The following EDIL3 variants were observed in gnomAD, a reference collection of about 807,000 sequenced individuals.
EDIL3 encodes EGF like and discoidin domains 3.
A neutral mutation model predicts 67.4 loss-of-function variants in EDIL3; 37 were observed. That is an observed-to-expected ratio of 0.55 (90% CI 0.42 to 0.72). The LOEUF is 0.72. Ranked by LOEUF, EDIL3 falls within the 30% of genes least tolerant of loss-of-function variation. The probability of loss-of-function intolerance (pLI) is 0.00; values close to 1 mark genes in which losing one functional copy is unlikely to be tolerated. For missense variants in EDIL3, 527 were observed against 586.3 expected (o/e 0.90, Z 1.04); for synonymous variants, 195 against 196.3 (o/e 0.99, Z 0.05).
intron 1 of EDIL3, among the ~76,000 whole-genome samples, chr5:84,361,617 C>A (rs967016906): frequency 4.0e-5 from 6 of 151,090 alleles, no homozygotes; most frequent in African/African-American, 1.5e-4. Context: ...TCTTACTGTA[C>A]TTATTTTAGT....
intron 1 of EDIL3, among the ~76,000 whole-genome samples, chr5:84,276,312 T>C (rs888192546): frequency 8.5e-5 from 13 of 152,174 alleles, no homozygotes; most frequent in Admixed American, 1.3e-4. Flanking sequence ...CCTAAATTTA[T>C]AGTCAGATGA....
chr5:84,219,100 G>A (rs1744289257), intron 3 of EDIL3, among the ~76,000 whole-genome samples: 3 of 152,120 alleles, frequency 2.0e-5, no homozygotes, highest in South Asian at 2.1e-4. Flanking sequence ...TCCCAGTGTT[G>A]GTGGCCACAG....
At chr5:84,066,146 C>T (rs1048778036) in intron 7 of EDIL3, among the ~76,000 whole-genome samples, 1 of 149,034 alleles carries the variant, frequency 6.7e-6, no homozygotes, top group Non-Finnish European at 1.5e-5. Context: ...GCGTTAATCA[C>T]GAAAGCAATA....
At chr5:84,297,176 CG>C (rs1746067760) in intron 1 of EDIL3, among the ~76,000 whole-genome samples, 2 of 66,250 alleles carry the variant, frequency 3.0e-5, no homozygotes, top group South Asian at 5.3e-4. Flanking sequence ...AGCAAGACTC[CG>C]AAAAAAAAAA....
intron 9 of EDIL3, among the ~76,000 whole-genome samples, chr5:83,999,983 C>T (rs2112168184): frequency 6.7e-6 from 1 of 148,668 alleles, no homozygotes; most frequent in Middle Eastern, 3.5e-3. Context: ...AAGAGAGTAG[C>T]ATGACATATT....
chr5:84,042,948 T>C (rs1746159007), intron 9 of EDIL3, among the ~76,000 whole-genome samples: 1 of 152,164 alleles, frequency 6.6e-6, no homozygotes, highest in Non-Finnish European at 1.5e-5. Context: ...AGAAATTTAC[T>C]TATTAACATA....
intron 1 of EDIL3, among the ~76,000 whole-genome samples, chr5:84,348,310 A>G (rs1485546265): frequency 6.6e-6 from 1 of 152,070 alleles, no homozygotes; most frequent in Non-Finnish European, 1.5e-5. Context: ...TTCCAGGAAA[A>G]GCCTTTAAGT....
At chr5:84,208,035 A>G (rs1180848215) in intron 3 of EDIL3, among the ~76,000 whole-genome samples, 1 of 150,466 alleles carries the variant, frequency 6.6e-6, no homozygotes, top group African/African-American at 2.4e-5. Flanking sequence ...ACAAAAGCCA[A>G]AATTGACAAA....
chr5:84,263,148 T>G (rs1013423524), intron 1 of EDIL3, among the ~76,000 whole-genome samples: 1 of 152,206 alleles, frequency 6.6e-6, no homozygotes, highest in Admixed American at 6.5e-5. Context: ...ACAAATAAGT[T>G]GATAAATAGT....
chr5:84,059,640 T>C (rs1444508648), intron 9 of EDIL3, among the ~76,000 whole-genome samples: 1 of 152,192 alleles, frequency 6.6e-6, no homozygotes, highest in Non-Finnish European at 1.5e-5. Context: ...TATAAAGTGA[T>C]CTCATTATCG....
rs191068069 is a variant in EDIL3, at chr5:84,303,206, C to T, written c.68-48994G>A. On this transcript the variant is annotated intron_variant, in intron 1 of 10. Coordinates refer to ENST00000296591, the MANE Select transcript of EDIL3 (RefSeq NM_005711.5). ...GCCAGAATGCCCTCCACTCCGACTT[C>T]TCTTTACTATGTGTGATAGCTAAGA... Among the ~76,000 whole-genome samples, 19 of 152,346 alleles carry T rather than the reference C, an allele frequency of 1.2e-4. No homozygotes were observed. The East Asian group carries it at 3.5e-3, about 28-fold the overall frequency.
At chr5:84,009,583 T>C (rs1419929950) in intron 9 of EDIL3, among the ~76,000 whole-genome samples, 2 of 152,210 alleles carry the variant, frequency 1.3e-5, no homozygotes, top group Non-Finnish European at 2.9e-5. Flanking sequence ...TCCAGGTAGA[T>C]TAATGTTTAA....
intron 1 of EDIL3, among the ~76,000 whole-genome samples, chr5:84,353,213 T>C (rs1015669200): frequency 2.0e-5 from 3 of 152,118 alleles, no homozygotes; most frequent in South Asian, 2.1e-4. Flanking sequence ...CACCAACCAA[T>C]GTGAATAGCT....
chr5:84,281,322 G>A (rs560542003), intron 1 of EDIL3, among the ~76,000 whole-genome samples: 2 of 152,270 alleles, frequency 1.3e-5, no homozygotes, highest in East Asian at 3.9e-4. Flanking sequence ...ATGGAGAAAT[G>A]TGGGTTCTAT....
chr5:84,101,053 G>A (rs1747357056), intron 6 of EDIL3, among the ~76,000 whole-genome samples: 1 of 151,970 alleles, frequency 6.6e-6, no homozygotes, highest in South Asian at 2.1e-4. Flanking sequence ...AATCCTTTTA[G>A]AATTATTAAT....
At chr5:84,351,896 G>A (rs991348115) in intron 1 of EDIL3, among the ~76,000 whole-genome samples, 1 of 151,614 alleles carries the variant, frequency 6.6e-6, no homozygotes, top group Non-Finnish European at 1.5e-5. Flanking sequence ...ATATCTAAAA[G>A]AAGGCTGACA....
intron 1 of EDIL3, among the ~76,000 whole-genome samples, chr5:84,312,247 C>T (rs375269652): frequency 0.068 from 9,424 of 138,062 alleles, 573 homozygotes; most frequent in South Asian, 0.15. Flanking sequence ...CTGACCCCCC[C>T]ACCTCCCTCC....
chr5:84,338,007 A>G (rs1450809948), intron 1 of EDIL3, among the ~76,000 whole-genome samples: 1 of 152,142 alleles, frequency 6.6e-6, no homozygotes, highest in East Asian at 1.9e-4. Flanking sequence ...ATACTGACCT[A>G]TACACATAGA....
At chr5:84,038,939 C>A (rs1365773593) in intron 9 of EDIL3, among the ~76,000 whole-genome samples, 1 of 152,154 alleles carries the variant, frequency 6.6e-6, no homozygotes, top group Non-Finnish European at 1.5e-5. Flanking sequence ...GCACATGCAG[C>A]ATATTTTATA....
Sources: gnomAD v4.1 joint callset for allele counts (sites outside exome capture counted in the v4.1 genomes callset) on GRCh38, gnomAD v4.1.1 for gene constraint, MANE v1.5 for transcripts, NCBI Gene and HGNC (gene_info 2026-07-23, HGNC 2026-07-21) for gene names.